Variants in FBXL17 observed in about 807,000 individuals in gnomAD.
FBXL17 encodes the protein F-box and leucine rich repeat protein 17, also known as F-box/LRR-repeat protein 17.
In FBXL17, 22 loss-of-function variants were observed where a neutral mutation model predicts 66.2. The observed-to-expected ratio is 0.33, with a 90% CI of 0.24 to 0.47. FBXL17 has a LOEUF of 0.47. Ranked by LOEUF, FBXL17 falls within the 20% of genes least tolerant of loss-of-function variation. The pLI is 1.00. For missense variants in FBXL17, 878 were observed against 948.2 expected (o/e 0.93, Z 0.97); for synonymous variants, 474 against 400.5 (o/e 1.18, Z -2.19).
At chr5:108,046,986 C>T (rs1194348964) in intron 6 of FBXL17, among the ~76,000 whole-genome samples, 1 of 152,138 alleles carries the variant, frequency 6.6e-6, no homozygotes, top group Non-Finnish European at 1.5e-5. Flanking sequence ...AATACTCTTA[C>T]TTGTCCTTGA....
At chr5:108,012,004 T>G (rs2112741761) in intron 7 of FBXL17, among the ~76,000 whole-genome samples, 1 of 152,328 alleles carries the variant, frequency 6.6e-6, no homozygotes, top group Non-Finnish European at 1.5e-5. Flanking sequence ...TGAAAGTATC[T>G]CATTGAATGT....
Position 108,242,238 on chromosome 5 carries a change from A to G in FBXL17, c.1507-18010T>C, listed in dbSNP as rs555165279. Among the ~76,000 whole-genome samples, 5 of 152,300 alleles carry G rather than the reference A, an allele frequency of 3.3e-5. No individual in the cohort carries two copies. The South Asian group carries it at 8.3e-4, about 25-fold the overall frequency. ...AACTTTTCAAGATATAGATAGTACA[A>G]TAAGAGAGAAATAGCTCATTGTAAC... On this transcript the variant is annotated intron_variant, in intron 4 of 8. Coordinates refer to ENST00000542267, the MANE Select transcript of FBXL17 (RefSeq NM_001163315.3).
At chr5:107,961,788 G>T (rs995367760) in intron 7 of FBXL17, among the ~76,000 whole-genome samples, 4 of 152,150 alleles carry the variant, frequency 2.6e-5, no homozygotes, top group African/African-American at 9.7e-5. Flanking sequence ...TCTCATGGTT[G>T]CATGGGCTTC....
chr5:108,221,019 G>C (rs1754841850), intron 5 of FBXL17, among the ~76,000 whole-genome samples: 1 of 152,082 alleles, frequency 6.6e-6, no homozygotes, highest in Non-Finnish European at 1.5e-5. Flanking sequence ...CCATAAATAT[G>C]ACTTTATCTT....
At chr5:108,028,528 A>G (rs1229053324) in intron 6 of FBXL17, among the ~76,000 whole-genome samples, 1 of 152,132 alleles carries the variant, frequency 6.6e-6, no homozygotes, top group Non-Finnish European at 1.5e-5. Context: ...TGAAAGAGTT[A>G]AGCACTTCCT....
chr5:108,062,962 T>G (rs964514265), intron 6 of FBXL17, among the ~76,000 whole-genome samples: 2 of 152,156 alleles, frequency 1.3e-5, no homozygotes, highest in African/African-American at 4.8e-5. Context: ...TGAGTATTAG[T>G]GCAGTTGCTG....
At chr5:108,356,941 T>C (rs991299314) in intron 3 of FBXL17, among the ~76,000 whole-genome samples, 7 of 152,080 alleles carry the variant, frequency 4.6e-5, no homozygotes, top group African/African-American at 1.7e-4. Context: ...GTAGGAAATA[T>C]GCAAAATTTC....
chr5:107,885,300 C>T (rs955476881), intron 7 of FBXL17, among the ~76,000 whole-genome samples: 4 of 152,160 alleles, frequency 2.6e-5, no homozygotes, highest in Non-Finnish European at 4.4e-5. Flanking sequence ...GAAGGGTATA[C>T]ACTAACCCCC....
intron 4 of FBXL17, among the ~76,000 whole-genome samples, chr5:108,330,040 A>C (rs1415572397): frequency 6.6e-6 from 1 of 152,200 alleles, no homozygotes. Context: ...ATAAATACTT[A>C]ATGCATGAGA....
chr5:107,953,110 A>C (rs79312346), intron 7 of FBXL17, among the ~76,000 whole-genome samples: 1 of 146,132 alleles, frequency 6.8e-6, no homozygotes, highest in Non-Finnish European at 1.5e-5. Flanking sequence ...TAAAAAAAAA[A>C]GGCAGATGTA....
chr5:107,972,786 T>C (rs1752420839), intron 7 of FBXL17, among the ~76,000 whole-genome samples: 1 of 152,210 alleles, frequency 6.6e-6, no homozygotes, highest in Admixed American at 6.5e-5. Context: ...TGTCACTTTT[T>C]TTTACAGACC....
chr5:108,336,760 ATTC>A lies in FBXL17; in HGVS notation c.1506+11636_1506+11638del, dbSNP rs1315782778. 5.9e-5 allele frequency among the ~76,000 whole-genome samples: 9 copies of A among 152,148 alleles called. No individual in the cohort carries two copies. The East Asian group carries it at 1.7e-3, about 29-fold the overall frequency. On this transcript the variant is annotated intron_variant, in intron 4 of 8. Transcript: ENST00000542267. ...TTTACTTCTTCAAACTATCATTGCC[ATTC>A]TTCTTGTATGAATGTTAATGAAAAA...
intron 1 of FBXL17, among the ~76,000 whole-genome samples, chr5:108,376,022 A>G (rs375237351): frequency 2.6e-5 from 4 of 152,238 alleles, no homozygotes; most frequent in African/African-American, 9.6e-5. Flanking sequence ...AAGCAAAAAC[A>G]AAACACATGA....
At chr5:108,092,433 A>G (rs763941038) in intron 6 of FBXL17, among the ~76,000 whole-genome samples, 1 of 152,034 alleles carries the variant, frequency 6.6e-6, no homozygotes, top group African/African-American at 2.4e-5. Flanking sequence ...AGTAGGAACT[A>G]TGGTTCCTAC....
chr5:108,113,646 G>A (rs1227085912), intron 6 of FBXL17, among the ~76,000 whole-genome samples: 1 of 152,046 alleles, frequency 6.6e-6, no homozygotes, highest in Non-Finnish European at 1.5e-5. Flanking sequence ...AAATCTCTCT[G>A]AGAAATGTCC....
At chr5:108,046,825 A>G (rs1039236426) in intron 6 of FBXL17, among the ~76,000 whole-genome samples, 3 of 152,264 alleles carry the variant, frequency 2.0e-5, no homozygotes, top group African/African-American at 7.2e-5. Flanking sequence ...CAATTTAGAA[A>G]ACTCAAGAGG....
At chr5:107,903,931 G>A (rs181419406) in intron 7 of FBXL17, among the ~76,000 whole-genome samples, 11 of 152,292 alleles carry the variant, frequency 7.2e-5, no homozygotes, top group South Asian at 4.1e-4. Flanking sequence ...GTTGGCAAGA[G>A]AGAAGTATTG....
chr5:108,085,747 C>T (rs1748944710), intron 6 of FBXL17, among the ~76,000 whole-genome samples: 1 of 152,012 alleles, frequency 6.6e-6, no homozygotes, highest in Admixed American at 6.5e-5. Context: ...CCAGCCTGGG[C>T]AACATGGCAA....
intron 5 of FBXL17, among the ~76,000 whole-genome samples, chr5:108,221,742 T>C (rs1218195295): frequency 6.6e-6 from 1 of 152,170 alleles, no homozygotes; most frequent in African/African-American, 2.4e-5. Flanking sequence ...GTAACCAGTA[T>C]GAAAACATTG....
Sources: gnomAD v4.1 joint callset for allele counts (sites outside exome capture counted in the v4.1 genomes callset) on GRCh38, gnomAD v4.1.1 for gene constraint, MANE v1.5 for transcripts, NCBI Gene and HGNC (gene_info 2026-07-23, HGNC 2026-07-21) for gene names.